Variants in TMPRSS3 observed in about 807,000 individuals in gnomAD.
TMPRSS3 encodes transmembrane protease serine 3.
Under a neutral mutation model 59.6 loss-of-function variants are expected in TMPRSS3, and 55 were observed. The observed-to-expected ratio is 0.92, with a 90% confidence interval of 0.74 to 1.16. TMPRSS3 has a LOEUF of 1.16. Ranked by LOEUF, TMPRSS3 falls within the 50% of genes most tolerant of loss-of-function variation. TMPRSS3 has a pLI of 0.00. For synonymous variants in TMPRSS3, 257 were observed against 237.7 expected (o/e 1.08, Z -0.75); for missense variants, 596 against 579.4 (o/e 1.03, Z -0.29).
chr21:42,372,289 G>T lies in TMPRSS3; in HGVS notation c.*473C>A. The T allele has an allele frequency of 2.2e-6, 1 of 453,924 alleles. No individual in the cohort carries two copies. Among genetic ancestry groups the T allele is most frequent in the Non-Finnish European group, 4.4e-6 (1 of 226,650 alleles). 28.1% of individuals were successfully genotyped at this position (453,924 alleles called of 1,614,324 possible). A position where few individuals can be genotyped will look rare whatever the true frequency, so the allele number is the denominator to read the frequency against. ...AGAAAGGAGCGTGAGGCTAGGCGTG[G>T]TGGCCCATGCCTGTAATCCCAGCAC... On this transcript the variant is annotated 3_prime_UTR_variant, in exon 13 of 13. Coordinates refer to ENST00000644384, the MANE Select transcript of TMPRSS3 (RefSeq NM_001256317.3).
intron 12 of TMPRSS3, among the ~76,000 whole-genome samples, chr21:42,373,412 C>T (rs1349176065): frequency 6.6e-6 from 1 of 152,156 alleles, no homozygotes; most frequent in Admixed American, 6.5e-5. Context: ...GAGCAGGGGC[C>T]CCAGGCATCG....
At chr21:42,386,506 G>A (rs2052635566) in intron 5 of TMPRSS3, among the ~76,000 whole-genome samples, 1 of 152,202 alleles carries the variant, frequency 6.6e-6, no homozygotes, top group African/African-American at 2.4e-5. Context: ...GCCAGGCAAG[G>A]GGACCCCAGT....
At chr21:42,387,536 C>T (rs942440210) in intron 5 of TMPRSS3, among the ~76,000 whole-genome samples, 1 of 152,024 alleles carries the variant, frequency 6.6e-6, no homozygotes, top group African/African-American at 2.4e-5. Flanking sequence ...GGAGGCAGAC[C>T]TCAGGGCTGG....
intron 2 of TMPRSS3, among the ~76,000 whole-genome samples, chr21:42,391,729 A>T (rs1392932185): frequency 6.6e-6 from 1 of 152,220 alleles, no homozygotes; most frequent in East Asian, 1.9e-4. Context: ...CACTGTGAGG[A>T]ATAGAGTCCT....
chr21:42,379,964 G>A (rs2052495005), intron 10 of TMPRSS3, among the ~76,000 whole-genome samples, 153 bp downstream of exon 10: 1 of 152,128 alleles, frequency 6.6e-6, no homozygotes, highest in African/African-American at 2.4e-5. Flanking sequence ...CAGTTCCTTG[G>A]CTGACTGTGT....
rs769807644 is a variant in TMPRSS3 at position 42,375,756 on chromosome 21, C to T, written c.1304G>A (p.Arg435His). ...GATCCAGTCCAGGAAGGAGGTGACA[C>T]GGGTGTACACCCCAGGCTTGTTCAC... ...AEVNKPGVYT[R>H]VTSFLDWIHE... Residue 435 changes from arginine (R) to histidine (H), a missense_variant, in exon 12 of 13, where the codon CGT (arginine) becomes CAT (histidine). Coordinates refer to ENST00000644384, the MANE Select transcript of TMPRSS3 (RefSeq NM_001256317.3). 9.3e-6 allele frequency: 15 copies of T among 1,613,804 alleles called. No individual in the cohort carries two copies. Among genetic ancestry groups the T allele is most frequent in the Admixed American group, 1.7e-5 (1 of 60,026 alleles).
chr21:42,386,969 C>T (rs944560707), intron 5 of TMPRSS3, among the ~76,000 whole-genome samples: 9 of 152,012 alleles, frequency 5.9e-5, no homozygotes, highest in African/African-American at 2.2e-4. Flanking sequence ...AGAAAGTAGG[C>T]AATATTGGGG....
intron 12 of TMPRSS3, among the ~76,000 whole-genome samples, chr21:42,374,996 G>GAA (rs2052396820): frequency 6.6e-6 from 1 of 152,076 alleles, no homozygotes; most frequent in Admixed American, 6.5e-5. Flanking sequence ...CCCAAGGAGA[G>GAA]ACTTCATCTG....
intron 6 of TMPRSS3, 112 bp downstream of exon 6, chr21:42,385,297 T>C: frequency 6.7e-7 from 1 of 1,485,166 alleles, no homozygotes; most frequent in Non-Finnish European, 9.3e-7. Flanking sequence ...CCACCTTCCA[T>C]CTGAGATAAC....
intron 8 of TMPRSS3, 85 bp downstream of exon 8, chr21:42,382,948 C>G (rs999039652): frequency 6.5e-7 from 1 of 1,545,184 alleles, no homozygotes; most frequent in Non-Finnish European, 8.9e-7. Flanking sequence ...TCCCTCTGGA[C>G]CCGCTTCTCA....
intron 10 of TMPRSS3, among the ~76,000 whole-genome samples, chr21:42,379,235 C>T (rs28645487): frequency 0.011 from 1,631 of 151,098 alleles, 28 homozygotes; most frequent in African/African-American, 0.038. Context: ...GCCATGTTGC[C>T]CAGGCTGGTC....
chr21:42,377,916 A>T (rs1230064869), intron 10 of TMPRSS3, among the ~76,000 whole-genome samples: 6 of 152,250 alleles, frequency 3.9e-5, no homozygotes, highest in Non-Finnish European at 7.3e-5. Flanking sequence ...GCGAGAAGAA[A>T]ATCGGCAGCG....
intron 2 of TMPRSS3, among the ~76,000 whole-genome samples, chr21:42,390,861 CA>C (rs1705787780): frequency 6.6e-6 from 1 of 152,210 alleles, no homozygotes; most frequent in African/African-American, 2.4e-5. Context: ...TGCATCTACA[CA>C]CCAAGAAATG....
At chr21:42,390,250 G>C in intron 2 of TMPRSS3, 1 of 570,344 alleles carries the variant, frequency 1.8e-6, no homozygotes, top group East Asian at 3.2e-5. Context: ...TTATTCCATG[G>C]GGGATGAGGG....
At chr21:42,384,615 A>G (rs1411902890) in intron 6 of TMPRSS3, among the ~76,000 whole-genome samples, 2 of 152,256 alleles carry the variant, frequency 1.3e-5, no homozygotes, top group African/African-American at 4.8e-5. Context: ...TCATCATGCA[A>G]GAGAAAGCTA....
rs568884207 is a variant in TMPRSS3, at chr21:42,376,574, C to T, written c.1158G>A (p.Ala386=). 1.9e-5 allele frequency: 31 copies of T among 1,613,768 alleles called. No individual in the cohort carries two copies. Among genetic ancestry groups the T allele is most frequent in the South Asian group, 1.5e-4 (14 of 91,082 alleles). ...TGTCCACGCCACCCGTCAGGTAGCC[C>T]GCGCAGAGCATGGAGGGGGAGATGA... ...GGIISPSMLC[A]GYLTGGVDSC... Residue 386 remains alanine, a synonymous_variant, in exon 11 of 13, where the codon GCG becomes GCA. Transcript: ENST00000644384.
At chr21:42,376,300 C>G (rs1214397171) in intron 11 of TMPRSS3, among the ~76,000 whole-genome samples, 1 of 152,206 alleles carries the variant, frequency 6.6e-6, no homozygotes, top group Non-Finnish European at 1.5e-5. Context: ...TGGTCCCCCA[C>G]AAAGTCAGAA....
intron 12 of TMPRSS3, among the ~76,000 whole-genome samples, chr21:42,375,213 C>T (rs996117042): frequency 3.3e-5 from 5 of 150,096 alleles, no homozygotes; most frequent in Non-Finnish European, 7.4e-5. Flanking sequence ...TTCCACGCCT[C>T]CCCCTCCGGG....
At chr21:42,382,472 G>A (rs919844430) in intron 8 of TMPRSS3, 1 of 552,716 alleles carries the variant, frequency 1.8e-6, no homozygotes, top group African/African-American at 1.9e-5. Context: ...GGTCGTCTTG[G>A]CATTTGAGGG....
Sources: allele counts gnomAD v4.1 joint callset (sites outside exome capture counted in the v4.1 genomes callset), GRCh38; gene constraint gnomAD v4.1.1; transcripts MANE v1.5; gene names NCBI Gene and HGNC (gene_info 2026-07-23, HGNC 2026-07-21).